TTLL5: variants seen among roughly 807,000 people sequenced by gnomAD.
TTLL5 encodes the protein tubulin polyglutamylase TTLL5.
Under a neutral mutation model 168.4 loss-of-function variants are expected in TTLL5, and 132 were observed. The ratio of observed to expected loss-of-function variants is 0.78; its 90% CI spans 0.68 to 0.91. The LOEUF (loss-of-function observed/expected upper bound fraction) is 0.91, where lower values mean the gene tolerates loss of function less well. Among genes scored for constraint, TTLL5 ranks in the 40% least tolerant of loss-of-function variants. The probability of loss-of-function intolerance (pLI) is 0.00; values close to 1 mark genes in which losing one functional copy is unlikely to be tolerated. For missense variants in TTLL5, 1,545 were observed against 1,581.5 expected (o/e 0.98, Z 0.39); for synonymous variants, 546 against 558.6 (o/e 0.98, Z 0.32).
intron 26 of TTLL5, among the ~76,000 whole-genome samples, chr14:75,786,665 A>G (rs929045085): frequency 3.9e-5 from 6 of 152,200 alleles, no homozygotes; most frequent in African/African-American, 9.7e-5. Context: ...ATTTAACTCT[A>G]TAGACTTTTT....
chr14:75,805,698 G>A (rs913545371), intron 27 of TTLL5, among the ~76,000 whole-genome samples: 2 of 152,118 alleles, frequency 1.3e-5, no homozygotes, highest in African/African-American at 4.8e-5. Context: ...AAAATACTCA[G>A]AAAAGTCTTA....
At chr14:75,709,493 C>T in intron 9 of TTLL5, 1 of 340,680 alleles carries the variant, frequency 2.9e-6, no homozygotes, top group Non-Finnish European at 5.6e-6. Context: ...ACCAAAACTC[C>T]CTAGTTCTGG....
chr14:75,804,998 A>G (rs892295753), intron 27 of TTLL5, among the ~76,000 whole-genome samples: 2 of 152,036 alleles, frequency 1.3e-5, no homozygotes, highest in African/African-American at 4.8e-5. Context: ...AACTCATCTT[A>G]CTTGTACTGC....
chr14:75,767,779 G>T (rs1396949046), intron 20 of TTLL5, among the ~76,000 whole-genome samples: 1 of 152,160 alleles, frequency 6.6e-6, no homozygotes, highest in Non-Finnish European at 1.5e-5. Context: ...ACTAAAGGCA[G>T]GGGGGTGAGT....
intron 31 of TTLL5, among the ~76,000 whole-genome samples, chr14:75,912,139 C>A (rs897151792): frequency 2.5e-4 from 38 of 152,186 alleles, no homozygotes; most frequent in African/African-American, 7.5e-4. Context: ...CAGCTCCGCC[C>A]TACTCATGAC....
intron 21 of TTLL5, among the ~76,000 whole-genome samples, chr14:75,774,639 A>G (rs1891608869): frequency 6.6e-6 from 1 of 152,074 alleles, no homozygotes; most frequent in Non-Finnish European, 1.5e-5. Flanking sequence ...AGCATTTGAC[A>G]TGGAACCCTT....
At chr14:75,876,838 AAGGTTTTTAC>A (rs1381052979) in intron 29 of TTLL5, among the ~76,000 whole-genome samples, 1 of 152,210 alleles carries the variant, frequency 6.6e-6, no homozygotes, top group Non-Finnish European at 1.5e-5. Flanking sequence ...CCTTGGCTGC[AAGGTTTTTAC>A]AGCATCACAG....
At chr14:75,904,996 A>G (rs1286570421) in intron 31 of TTLL5, among the ~76,000 whole-genome samples, 1 of 152,224 alleles carries the variant, frequency 6.6e-6, no homozygotes, top group Non-Finnish European at 1.5e-5. Flanking sequence ...TGAACTGAAA[A>G]TCATTTGCTT....
intron 27 of TTLL5, among the ~76,000 whole-genome samples, chr14:75,802,617 A>G (rs1404811772): frequency 2.0e-5 from 3 of 152,350 alleles, no homozygotes; most frequent in Admixed American, 6.5e-5. Context: ...TATTTAAAAA[A>G]CATTTTGCTA....
At chr14:75,845,160 C>G (rs547176020) in intron 28 of TTLL5, among the ~76,000 whole-genome samples, 6 of 152,204 alleles carry the variant, frequency 3.9e-5, no homozygotes, top group Admixed American at 6.5e-5. Context: ...AGCTAGTGTC[C>G]TGTTCCCAGC....
chr14:75,760,272 A>C (rs1477218115), intron 18 of TTLL5, among the ~76,000 whole-genome samples: 2 of 152,088 alleles, frequency 1.3e-5, no homozygotes, highest in Non-Finnish European at 2.9e-5. Context: ...CTTAGGAATA[A>C]ATTTAACAAA....
At chr14:75,875,031 T>A (rs2139998688) in intron 29 of TTLL5, among the ~76,000 whole-genome samples, 1 of 142,812 alleles carries the variant, frequency 7.0e-6, no homozygotes, top group African/African-American at 2.6e-5. Flanking sequence ...CCTCCCGGGT[T>A]CACACCATTC....
Position 75,869,881 on chromosome 14 carries a change from G to A in TTLL5, c.3522+6019G>A, listed in dbSNP as rs186160473. ...GTTGACCAGTCTGGAGTACAGTGGCGCAATCTCAGCTCACTGCAACGTCTG... is the reference window on the plus strand; with the variant it reads ...GTTGACCAGTCTGGAGTACAGTGGCACAATCTCAGCTCACTGCAACGTCTG... On this transcript the variant is annotated intron_variant, in intron 29 of 31. Transcript: ENST00000298832. Among the ~76,000 whole-genome samples, 8 of 132,002 alleles carry A rather than the reference G, an allele frequency of 6.1e-5. No homozygotes were observed. In the East Asian group the frequency reaches 6.5e-4, roughly 11 times the overall value. The allele number at this position is 132,002 out of a possible 152,430, so 86.6% of individuals were successfully genotyped here. A position where few individuals can be genotyped will look rare whatever the true frequency, so the allele number is the denominator to read the frequency against.
rs1268833900 is a variant in TTLL5 at position 75,707,689 on chromosome 14, A to T, written c.722A>T (p.Tyr241Phe). The change falls in exon 9 of 32, where the codon TAT (tyrosine) becomes TTT (phenylalanine). Residue 241 changes from tyrosine to phenylalanine, a missense_variant. By Grantham distance (22) the Tyr-to-Phe change is conservative. Coordinates refer to ENST00000298832, the MANE Select transcript of TTLL5 (RefSeq NM_015072.5). ...TATGATCCTCTTGTCATCTATCTCT[A>T]TGAAGAAGGATTGGCTAGGTAAGAA... ...TSYDPLVIYL[Y>F]EEGLARFATV... The T allele has an allele frequency of 8.3e-6, 13 of 1,565,276 alleles. No individual in the cohort carries two copies. The highest frequency in any genetic ancestry group is 1.4e-5 in the African/African-American group (1 of 72,930).
rs149848839 is a variant in TTLL5 at position 75,840,465 on chromosome 14, C to T, written c.3326+20304C>T. On this transcript the variant is annotated intron_variant, in intron 28 of 31. Transcript: ENST00000298832. ...CTGTGTTCTCATTGTTCACCTCCCACTTAGGAGTGAGAACATGCGGTGTTT... is the reference window on the plus strand; with the variant it reads ...CTGTGTTCTCATTGTTCACCTCCCATTTAGGAGTGAGAACATGCGGTGTTT... 4.7e-3 allele frequency among the ~76,000 whole-genome samples: 721 copies of T among 151,918 alleles called. 8 individuals carry two copies. The highest frequency in any genetic ancestry group is 0.017 in the African/African-American group (693 of 41,386).
chr14:75,672,032 A>G (rs1883790315), intron 3 of TTLL5, among the ~76,000 whole-genome samples: 1 of 152,170 alleles, frequency 6.6e-6, no homozygotes, highest in Non-Finnish European at 1.5e-5. Context: ...TCATGTTGAG[A>G]AAGTTTGCTT....
intron 24 of TTLL5, 94 bp from the exon 25 acceptor site, chr14:75,782,393 A>G: frequency 1.0e-6 from 1 of 952,986 alleles, no homozygotes; most frequent in Non-Finnish European, 1.6e-6. Context: ...ATTGATTAGC[A>G]GTTGTGTTAT....
chr14:75,931,318 C>G (rs1023502211), intron 31 of TTLL5, among the ~76,000 whole-genome samples: 1 of 152,146 alleles, frequency 6.6e-6, no homozygotes, highest in African/African-American at 2.4e-5. Context: ...CTCCTCTGGT[C>G]CCTCCTGTTC....
intron 15 of TTLL5, chr14:75,737,490 C>G: frequency 7.0e-7 from 1 of 1,421,390 alleles, no homozygotes; most frequent in South Asian, 1.3e-5. Context: ...TTTTTTATAT[C>G]ATAGATCTAG....
Sources: allele counts gnomAD v4.1 joint callset (sites outside exome capture counted in the v4.1 genomes callset), GRCh38; gene constraint gnomAD v4.1.1; transcripts MANE v1.5; gene names NCBI Gene and HGNC (gene_info 2026-07-23, HGNC 2026-07-21).